The following TNFSF4 variants were observed in gnomAD, a reference collection of about 807,000 sequenced individuals.
TNFSF4 encodes tumor necrosis factor ligand superfamily member 4.
TNFSF4 carries 4 observed loss-of-function variants against 7.3 expected under a neutral mutation model. That is an observed-to-expected ratio of 0.55 (90% CI 0.27 to 1.25). The LOEUF is 1.25. Ranked by LOEUF, TNFSF4 falls within the 50% of genes most tolerant of loss-of-function variation. The pLI, the probability that TNFSF4 is intolerant of heterozygous loss-of-function variation, is 0.12. For missense variants in TNFSF4, 181 were observed against 208.8 expected, an observed-to-expected ratio of 0.87 and a Z score of 0.82; for synonymous variants, 76 against 83.7, an observed-to-expected ratio of 0.91 and a Z score of 0.50.
the TNFSF4 span, among the ~76,000 whole-genome samples, chr1:173,218,339 C>T: frequency 6.6e-6 from 1 of 152,272 alleles, no homozygotes; most frequent in South Asian, 2.1e-4. Flanking sequence ...TTCCTATGTG[C>T]TGTGGGTTAG....
At chr1:173,349,110 G>C in the TNFSF4 span, among the ~76,000 whole-genome samples, 1 of 152,036 alleles carries the variant, frequency 6.6e-6, no homozygotes, top group African/African-American at 2.4e-5. Context: ...CTCACTGCAA[G>C]CTCCGCCCCC....
chr1:173,431,813 C>T, the TNFSF4 span, among the ~76,000 whole-genome samples: 2 of 152,178 alleles, frequency 1.3e-5, no homozygotes. Flanking sequence ...ATGGTGACTC[C>T]TTGGTGACAG....
the TNFSF4 span, among the ~76,000 whole-genome samples, chr1:173,234,875 A>T: frequency 6.6e-6 from 1 of 152,144 alleles, no homozygotes; most frequent in Non-Finnish European, 1.5e-5. Flanking sequence ...GCACACCAAC[A>T]TGGCACATGT....
the TNFSF4 span, among the ~76,000 whole-genome samples, chr1:173,237,905 T>C: frequency 6.6e-6 from 1 of 152,144 alleles, no homozygotes; most frequent in Non-Finnish European, 1.5e-5. Flanking sequence ...TAGAAAAAAC[T>C]ATCCTAAAAT....
chr1:173,288,652 TCA>T, the TNFSF4 span, among the ~76,000 whole-genome samples: 2 of 152,122 alleles, frequency 1.3e-5, no homozygotes, highest in Admixed American at 6.5e-5. Context: ...TAGAACACAT[TCA>T]CAGAGTACAA....
chr1:173,229,801 G>A, the TNFSF4 span, among the ~76,000 whole-genome samples: 1 of 151,974 alleles, frequency 6.6e-6, no homozygotes. Flanking sequence ...TGATACAACA[G>A]ACTTTAAACC....
the TNFSF4 span, among the ~76,000 whole-genome samples, chr1:173,339,844 T>C: frequency 6.6e-6 from 1 of 152,200 alleles, no homozygotes; most frequent in African/African-American, 2.4e-5. Flanking sequence ...TTTAAGGAGA[T>C]GTAGATAGAT....
chr1:173,172,930 G>A, the TNFSF4 span, among the ~76,000 whole-genome samples: 2 of 152,104 alleles, frequency 1.3e-5, no homozygotes, highest in East Asian at 3.9e-4. Context: ...GAAGGCCTCA[G>A]GAAATTTACA....
downstream of TNFSF4, among the ~76,000 whole-genome samples, chr1:173,182,959 A>G (rs1649082350): frequency 6.6e-6 from 1 of 152,182 alleles, no homozygotes. Flanking sequence ...GCCATGCCAA[A>G]ATTGGGCCCA....
chr1:173,223,830 GC>G, the TNFSF4 span, among the ~76,000 whole-genome samples: 1 of 152,232 alleles, frequency 6.6e-6, no homozygotes, highest in African/African-American at 2.4e-5. Context: ...TCCAGCAAGA[GC>G]TCCAGGCAAA....
At chr1:173,299,019 A>C in the TNFSF4 span, among the ~76,000 whole-genome samples, 1 of 151,928 alleles carries the variant, frequency 6.6e-6, no homozygotes, top group East Asian at 1.9e-4. Context: ...AACATTTTCC[A>C]ATTATACATT....
the TNFSF4 span, among the ~76,000 whole-genome samples, chr1:173,419,486 A>G: frequency 6.6e-6 from 1 of 152,206 alleles, no homozygotes; most frequent in South Asian, 2.1e-4. Flanking sequence ...TGGACTTCCC[A>G]GCCTCCAGAA....
chr1:173,235,683 C>T, the TNFSF4 span, among the ~76,000 whole-genome samples: 3 of 152,152 alleles, frequency 2.0e-5, no homozygotes, highest in Non-Finnish European at 4.4e-5. Flanking sequence ...ATTTGGCTGT[C>T]TCCTTCTCTA....
At chr1:173,309,269 G>A in the TNFSF4 span, among the ~76,000 whole-genome samples, 87 of 151,744 alleles carry the variant, frequency 5.7e-4, no homozygotes, top group Admixed American at 5.2e-3. Flanking sequence ...CAGTAACGGC[G>A]ATGCAGTCAT....
the TNFSF4 span, among the ~76,000 whole-genome samples, chr1:173,285,857 T>A: frequency 6.6e-6 from 1 of 152,204 alleles, no homozygotes; most frequent in African/African-American, 2.4e-5. Flanking sequence ...ACTGTCCTTG[T>A]TGCTATAATC....
the TNFSF4 span, among the ~76,000 whole-genome samples, chr1:173,399,081 C>G: frequency 6.6e-6 from 1 of 152,106 alleles, no homozygotes; most frequent in African/African-American, 2.4e-5. Context: ...TCTGACCCAC[C>G]AAGCCATAAA....
At chr1:173,262,188 A>G in the TNFSF4 span, among the ~76,000 whole-genome samples, 3 of 152,240 alleles carry the variant, frequency 2.0e-5, no homozygotes, top group Non-Finnish European at 4.4e-5. Flanking sequence ...ATGCAAATCA[A>G]TAAACACAAT....
the TNFSF4 span, among the ~76,000 whole-genome samples, chr1:173,431,398 G>A: frequency 2.6e-3 from 402 of 152,350 alleles, 1 homozygote; most frequent in African/African-American, 8.9e-3. Flanking sequence ...ACTGGGACGG[G>A]ATTTGTTAGT....
chr1:173,253,227 A>G, the TNFSF4 span, among the ~76,000 whole-genome samples: 1 of 152,176 alleles, frequency 6.6e-6, no homozygotes, highest in Non-Finnish European at 1.5e-5. Flanking sequence ...AGTCATAACC[A>G]TTCCAACCAC....
Sources: allele counts gnomAD v4.1 joint callset (sites outside exome capture counted in the v4.1 genomes callset), GRCh38; gene constraint gnomAD v4.1.1; transcripts MANE v1.5; gene names NCBI Gene and HGNC (gene_info 2026-07-23, HGNC 2026-07-21).